Variants in PSIP1 observed in about 807,000 individuals in gnomAD.
The protein encoded by PSIP1 is PC4 and SFRS1-interacting protein.
A neutral mutation model predicts 74.7 loss-of-function variants in PSIP1; 19 were observed. That is an observed-to-expected ratio of 0.25 (90% CI 0.18 to 0.37). The LOEUF is 0.37. PSIP1 is among the 10% of genes least tolerant of loss of function. The probability of loss-of-function intolerance (pLI) is 1.00; values close to 1 mark genes in which losing one functional copy is unlikely to be tolerated. For synonymous variants in PSIP1, 222 were observed against 195.3 expected (o/e 1.14, Z -1.14); for missense variants, 601 against 614.3 (o/e 0.98, Z 0.23).
Position 15,492,446 on chromosome 9 carries a change from C to G in PSIP1, c.150-2322G>C, listed in dbSNP as rs115552138. ...TGCAAATGCAAGAGGTGAGCTCCCA[C>G]AGCCTTAAAAAGCTCTGCCCCTATG... On this transcript the variant is annotated intron_variant, in intron 3 of 15. Transcript: ENST00000380733. Among the ~76,000 whole-genome samples the G allele has an allele frequency of 1.2e-3, 180 of 152,350 alleles. 3 individuals are homozygous for G. The highest frequency in any genetic ancestry group is 4.2e-3 in the African/African-American group (176 of 41,592).
intron 1 of PSIP1, among the ~76,000 whole-genome samples, 181 bp from the exon 2 acceptor site, chr9:15,510,510 C>G (rs2037819324): frequency 6.6e-6 from 1 of 152,110 alleles, no homozygotes; most frequent in South Asian, 2.1e-4. Flanking sequence ...ACCGAAGAGA[C>G]GCCACCACCT....
intron 2 of PSIP1, among the ~76,000 whole-genome samples, chr9:15,509,449 T>G (rs1013305715): frequency 4.6e-5 from 7 of 152,252 alleles, no homozygotes; most frequent in Admixed American, 1.3e-4. Context: ...AGATGTGAAC[T>G]GAGGAATCTG....
At chr9:15,498,564 T>A (rs2037191203) in intron 3 of PSIP1, among the ~76,000 whole-genome samples, 1 of 152,130 alleles carries the variant, frequency 6.6e-6, no homozygotes, top group Non-Finnish European at 1.5e-5. Context: ...AGGGACCAGA[T>A]TAGTTTTTCG....
chr9:15,471,148 G>C (rs2035809945), intron 10 of PSIP1: 7 of 1,605,790 alleles, frequency 4.4e-6, no homozygotes, highest in Non-Finnish European at 6.0e-6. Flanking sequence ...TGCTCCACTT[G>C]TATTCTCTTT....
Position 15,498,529 on chromosome 9 carries a change from AC to A in PSIP1, c.149+8031del. 3.3e-5 allele frequency among the ~76,000 whole-genome samples: 5 copies of A among 152,228 alleles called. 1 individual carries two copies. The East Asian group carries it at 9.6e-4, about 29-fold the overall frequency. ...AAAAAAAAAAAAATCTTCCTTGGGC[AC>A]GCAGTCCGACAGGTTTGGTGAACAG... On this transcript the variant is annotated intron_variant, in intron 3 of 15. Coordinates refer to ENST00000380733, the MANE Select transcript of PSIP1 (RefSeq NM_033222.5).
intron 2 of PSIP1, among the ~76,000 whole-genome samples, chr9:15,506,841 C>T (rs1185294964): frequency 6.6e-6 from 1 of 152,162 alleles, no homozygotes; most frequent in Non-Finnish European, 1.5e-5. Flanking sequence ...GTGGCAAAAC[C>T]TGGACTGACA....
chr9:15,510,539 G>A (rs893159564), intron 1 of PSIP1, among the ~76,000 whole-genome samples: 1 of 152,014 alleles, frequency 6.6e-6, no homozygotes, highest in Admixed American at 6.5e-5. Context: ...GATGCTGCCC[G>A]GCCAGAAATC....
chr9:15,469,340 CAAATT>C lies in PSIP1; in HGVS notation c.1034-9_1034-5del. The C allele has an allele frequency of 6.5e-7, 1 of 1,543,830 alleles. No homozygotes were observed. ...AGTCGAGAATCCATTGATGTTTCTA[CAAATT>C]AAAATATGTGAAAAACAGTGAACAG... On this transcript the variant is annotated splice_polypyrimidine_tract_variant and splice_region_variant and intron_variant, in intron 11 of 15. Transcript: ENST00000380733.
At chr9:15,495,974 G>T (rs181195026) in intron 3 of PSIP1, among the ~76,000 whole-genome samples, 3 of 152,012 alleles carry the variant, frequency 2.0e-5, no homozygotes, top group African/African-American at 7.3e-5. Context: ...TATCATCTTT[G>T]TTGACCAATT....
At chr9:15,466,183 G>T (rs2035612359) in intron 15 of PSIP1, among the ~76,000 whole-genome samples, 1 of 152,176 alleles carries the variant, frequency 6.6e-6, no homozygotes, top group East Asian at 1.9e-4. Flanking sequence ...TTCGAGGCCG[G>T]GCTGGCCAAC....
chr9:15,488,028 C>T (rs903388519), intron 4 of PSIP1, among the ~76,000 whole-genome samples: 3 of 152,054 alleles, frequency 2.0e-5, no homozygotes, highest in Admixed American at 6.6e-5. Flanking sequence ...TAAAATTTAT[C>T]GGTTTAAAAG....
chr9:15,506,713 C>G, intron 2 of PSIP1, 76 bp from the exon 3 acceptor site: 1 of 1,121,418 alleles, frequency 8.9e-7, no homozygotes, highest in Non-Finnish European at 1.3e-6. Context: ...AACAAGAGCA[C>G]AACATCCAAA....
rs750477137 is a variant in PSIP1, at chr9:15,465,473, A to G, written c.*47T>C. On this transcript the variant is annotated 3_prime_UTR_variant, in exon 16 of 16. Coordinates refer to ENST00000380733, the MANE Select transcript of PSIP1 (RefSeq NM_033222.5). ...TTTCAGCAGTCTATTTCAAATGAAA[A>G]CCATTACAAACTTCTCAAGTGTTCT... The G allele has an allele frequency of 1.4e-6, 2 of 1,440,866 alleles. No individual in the cohort carries two copies. The highest frequency in any genetic ancestry group is 1.2e-5 in the South Asian group (1 of 80,242). 89.3% of individuals were successfully genotyped at this position (1,440,866 alleles called of 1,614,324 possible).
chr9:15,495,641 T>C (rs915739129), intron 3 of PSIP1, among the ~76,000 whole-genome samples: 1 of 152,208 alleles, frequency 6.6e-6, no homozygotes, highest in Non-Finnish European at 1.5e-5. Context: ...GGAATGCGTC[T>C]ATCTTCTATG....
At chr9:15,472,192 G>A in intron 10 of PSIP1, 1 of 987,026 alleles carries the variant, frequency 1.0e-6, no homozygotes, top group Non-Finnish European at 1.2e-6. Context: ...CTGGCTTCCT[G>A]GGTTTCCAAA....
intron 2 of PSIP1, among the ~76,000 whole-genome samples, chr9:15,507,476 G>A (rs62571014): frequency 0.044 from 6,635 of 151,856 alleles, 219 homozygotes; most frequent in Middle Eastern, 0.078. Flanking sequence ...GGTGAAACCC[G>A]GTCTCTACTA....
At position 15,479,577 on chromosome 9, in the gene PSIP1, A is replaced by G; in HGVS notation, c.553+14T>C. The G allele has an allele frequency of 6.4e-7, 1 of 1,570,482 alleles. No individual in the cohort carries two copies. Among genetic ancestry groups the G allele is most frequent in the South Asian group, 1.2e-5 (1 of 86,058 alleles). ...TCACAAGCCAAACAGATATTTAAAC[A>G]TCAGTAATCCTACCTGCAGGTCGTC... On this transcript the variant is annotated intron_variant, in intron 7 of 15. Transcript: ENST00000380733.
intron 3 of PSIP1, among the ~76,000 whole-genome samples, chr9:15,495,231 T>G (rs975720557): frequency 2.0e-5 from 3 of 152,176 alleles, no homozygotes; most frequent in Non-Finnish European, 2.9e-5. Flanking sequence ...ATATTTATTT[T>G]TTTTTAAAGA....
At chr9:15,466,511 T>C (rs1205786675) in intron 15 of PSIP1, among the ~76,000 whole-genome samples, 1 of 152,230 alleles carries the variant, frequency 6.6e-6, no homozygotes, top group Non-Finnish European at 1.5e-5. Flanking sequence ...GGAGCAAATA[T>C]TTTCTTTTTA....
Sources: gnomAD v4.1 joint callset for allele counts (sites outside exome capture counted in the v4.1 genomes callset) on GRCh38, gnomAD v4.1.1 for gene constraint, MANE v1.5 for transcripts, NCBI Gene and HGNC (gene_info 2026-07-23, HGNC 2026-07-21) for gene names.